PCSK2: variants seen among roughly 807,000 people sequenced by gnomAD.
The protein encoded by PCSK2 is proprotein convertase subtilisin/kexin type 2.
In PCSK2, 14 loss-of-function variants were observed where a neutral mutation model predicts 69.7. The observed-to-expected ratio is 0.20, with a 90% CI of 0.13 to 0.31. The LOEUF is 0.31. PCSK2 is among the 10% of genes least tolerant of loss of function. The pLI is 1.00. For synonymous variants in PCSK2, 307 were observed against 320.7 expected (o/e 0.96, Z 0.46); for missense variants, 544 against 842.5 (o/e 0.65, Z 4.39).
At chr20:17,357,647 C>T (rs1395057169) in intron 2 of PCSK2, among the ~76,000 whole-genome samples, 21 of 152,196 alleles carry the variant, frequency 1.4e-4, no homozygotes. Flanking sequence ...GTAATCCCAG[C>T]ACTTTGGGAA....
intron 3 of PCSK2, among the ~76,000 whole-genome samples, chr20:17,359,760 C>G (rs956208915): frequency 6.6e-6 from 1 of 152,164 alleles, no homozygotes; most frequent in African/African-American, 2.4e-5. Flanking sequence ...AGCCACTGAT[C>G]ACTGTGGGCT....
rs561594805 is a variant in PCSK2 at position 17,317,502 on chromosome 20, C to T, written c.283-40825C>T. The stretch of plus-strand genomic sequence containing the variant: ...AATTCTGGCTGTGTCCATTAGTGTC[C>T]CTCTTGACAAACTTGGATTTGAAAA... On this transcript the variant is annotated intron_variant, in intron 2 of 11. Coordinates refer to ENST00000262545, the MANE Select transcript of PCSK2 (RefSeq NM_002594.5). 2.0e-5 allele frequency among the ~76,000 whole-genome samples: 3 copies of T among 152,226 alleles called. No individual in the cohort carries two copies. In the South Asian group the frequency reaches 6.2e-4, roughly 32 times the overall value.
chr20:17,238,872 T>C (rs1279785663), intron 1 of PCSK2, among the ~76,000 whole-genome samples: 1 of 152,190 alleles, frequency 6.6e-6, no homozygotes, highest in African/African-American at 2.4e-5. Context: ...CTTCCTTGAC[T>C]ACTCCCTTAG....
At chr20:17,397,307 T>C (rs919581315) in intron 5 of PCSK2, among the ~76,000 whole-genome samples, 1 of 152,170 alleles carries the variant, frequency 6.6e-6, no homozygotes, top group Non-Finnish European at 1.5e-5. Flanking sequence ...GGGTGTGTTT[T>C]AAAATTAAAA....
intron 5 of PCSK2, among the ~76,000 whole-genome samples, chr20:17,373,204 C>T (rs4814614): frequency 0.087 from 13,297 of 151,990 alleles, 1,453 homozygotes; most frequent in East Asian, 0.5. Flanking sequence ...GGAATGAGTC[C>T]GGGAAGGAAA....
At chr20:17,443,943 G>A (rs757741898) in intron 8 of PCSK2, among the ~76,000 whole-genome samples, 4 of 152,176 alleles carry the variant, frequency 2.6e-5, no homozygotes, top group Non-Finnish European at 5.9e-5. Flanking sequence ...CCCAAGAAAT[G>A]GGAATAAATT....
intron 2 of PCSK2, among the ~76,000 whole-genome samples, chr20:17,316,817 G>A (rs1230651100): frequency 6.6e-6 from 1 of 152,144 alleles, no homozygotes; most frequent in East Asian, 1.9e-4. Context: ...GAATGCACCA[G>A]GAGATTTCCT....
At chr20:17,392,300 G>T (rs1225810515) in intron 5 of PCSK2, among the ~76,000 whole-genome samples, 1 of 152,060 alleles carries the variant, frequency 6.6e-6, no homozygotes, top group Non-Finnish European at 1.5e-5. Context: ...AGTCAATTTT[G>T]GGGGGAAACA....
chr20:17,373,649 CA>C (rs903167269), intron 5 of PCSK2, among the ~76,000 whole-genome samples: 10 of 152,092 alleles, frequency 6.6e-5, no homozygotes, highest in Non-Finnish European at 1.5e-4. Flanking sequence ...CAAGGCTCCT[CA>C]AAAAAATTAC....
chr20:17,244,098 C>T (rs185290314), intron 1 of PCSK2, among the ~76,000 whole-genome samples: 4 of 152,336 alleles, frequency 2.6e-5, no homozygotes, highest in Admixed American at 1.3e-4. Flanking sequence ...AACACACACA[C>T]ACCATCTACA....
intron 11 of PCSK2, among the ~76,000 whole-genome samples, chr20:17,469,210 T>C (rs1007157409): frequency 2.0e-5 from 3 of 152,240 alleles, no homozygotes; most frequent in African/African-American, 4.8e-5. Flanking sequence ...ACAAGTTGAT[T>C]GACACAGTCA....
rs116474622 is a variant in PCSK2, at chr20:17,347,643, G to A, written c.283-10684G>A. On this transcript the variant is annotated intron_variant, in intron 2 of 11. Transcript: ENST00000262545. ...CGATGTGTCAGTGTCGGTTCAGCAC[G>A]CGTAACAAATGCACGCTGTGCTCCA... is the stretch of plus-strand genomic sequence containing the variant. Among the ~76,000 whole-genome samples the A allele has an allele frequency of 2.8e-3, 433 of 152,116 alleles. 2 individuals are homozygous for A. The highest frequency in any genetic ancestry group is 0.01 in the African/African-American group (415 of 41,482).
At chr20:17,422,243 T>C (rs1231310744) in intron 6 of PCSK2, among the ~76,000 whole-genome samples, 1 of 152,230 alleles carries the variant, frequency 6.6e-6, no homozygotes, top group Admixed American at 6.5e-5. Context: ...AACATTATTC[T>C]TCATGGTGAA....
chr20:17,412,785 G>T (rs559718180), intron 6 of PCSK2, among the ~76,000 whole-genome samples: 2 of 152,310 alleles, frequency 1.3e-5, no homozygotes, highest in African/African-American at 4.8e-5. Flanking sequence ...CAGAGAGAAA[G>T]GTCGGGTTAC....
intron 2 of PCSK2, among the ~76,000 whole-genome samples, chr20:17,317,219 A>G (rs1989716344): frequency 1.3e-5 from 2 of 152,234 alleles, no homozygotes; most frequent in Admixed American, 1.3e-4. Context: ...AGAACTTGAG[A>G]GTTGACTCAG....
rs77679036 is a variant in PCSK2, at chr20:17,294,943, T to C, written c.282+34599T>C. 4.9e-3 allele frequency among the ~76,000 whole-genome samples: 750 copies of C among 152,292 alleles called. 4 individuals carry two copies. Among genetic ancestry groups the C allele is most frequent in the East Asian group, 0.022 (114 of 5,170 alleles). ...TACCCTCCCTTCCTTTACTTCTTTC[T>C]CTTTGCTCTGGGATAATTCCTTGAA... On this transcript the variant is annotated intron_variant, in intron 2 of 11. Transcript: ENST00000262545.
At chr20:17,250,946 A>G (rs1377047323) in intron 1 of PCSK2, among the ~76,000 whole-genome samples, 1 of 152,104 alleles carries the variant, frequency 6.6e-6, no homozygotes, top group Non-Finnish European at 1.5e-5. Context: ...CTAAAAATAC[A>G]AAAATTAGCC....
intron 1 of PCSK2, among the ~76,000 whole-genome samples, chr20:17,230,928 A>C (rs931425608): frequency 2.0e-5 from 3 of 152,236 alleles, no homozygotes; most frequent in African/African-American, 7.2e-5. Context: ...CCAAAGACCT[A>C]TGTCTATCAG....
At position 17,260,289 on chromosome 20, in the gene PCSK2, A is replaced by T. The variant is rs1269770303; in HGVS notation, c.227A>T (p.Lys76Met). ...CACTTTTATCACAATGGCCTTGCAA[A>T]GGCCAAGAGAAGACGCAGCCTACAC... ...LYHFYHNGLA[K>M]AKRRRSLHHK... The change falls in exon 2 of 12, where the codon AAG (lysine) becomes ATG (methionine). Residue 76 changes from lysine to methionine, a missense_variant. Transcript: ENST00000262545. 5.0e-6 allele frequency: 8 copies of T among 1,613,998 alleles called. No individual in the cohort carries two copies. The highest frequency in any genetic ancestry group is 1.7e-6 in the Non-Finnish European group (2 of 1,179,914).
Sources: allele counts gnomAD v4.1 joint callset (sites outside exome capture counted in the v4.1 genomes callset), GRCh38; gene constraint gnomAD v4.1.1; transcripts MANE v1.5; gene names NCBI Gene and HGNC (gene_info 2026-07-23, HGNC 2026-07-21).